The following MAF variants were observed in gnomAD, a reference collection of about 807,000 sequenced individuals.
MAF encodes transcription factor Maf.
A neutral mutation model predicts 22.0 loss-of-function variants in MAF; 10 were observed. The observed-to-expected ratio is 0.45, with a 90% confidence interval of 0.28 to 0.77. The LOEUF (loss-of-function observed/expected upper bound fraction) is 0.77. Among genes scored for constraint, MAF ranks in the 30% least tolerant of loss-of-function variants. The probability of loss-of-function intolerance (pLI) is 0.12; values close to 1 mark genes in which losing one functional copy is unlikely to be tolerated. For synonymous variants in MAF, 337 were observed against 255.8 expected, an observed-to-expected ratio of 1.32 and a Z score of -3.03; for missense variants, 544 against 548.4, an observed-to-expected ratio of 0.99 and a Z score of 0.08.
rs1210195937 is a variant in MAF at position 79,599,208 on chromosome 16, C to A, written c.695G>T (p.Gly232Val). The A allele has an allele frequency of 1.9e-5, 19 of 976,006 alleles. No individual in the cohort carries two copies. Among genetic ancestry groups the A allele is most frequent in the Non-Finnish European group, 2.3e-5 (19 of 825,362 alleles). 60.5% of individuals were successfully genotyped at this position (976,006 alleles called of 1,614,324 possible). A position where few individuals can be genotyped will look rare whatever the true frequency, so the allele number is the denominator to read the frequency against. ...ASAGGGGGGG[G>V]GGGGGGAAGA... Reference sequence around the variant, plus strand: ...CGCCGCGCCCCCGCCGCCTCCGCCGCCGCCGCCGCCGCCGCCGCCCCCAGC... The same window carrying A: ...CGCCGCGCCCCCGCCGCCTCCGCCGACGCCGCCGCCGCCGCCGCCCCCAGC... Residue 232 changes from glycine (G) to valine (V), a missense_variant, in exon 1 of 2, where the codon GGC becomes GTC. By Grantham distance (109) the Gly-to-Val change is moderately radical. Coordinates refer to ENST00000326043, the MANE Select transcript of MAF (RefSeq NM_005360.5).
At chr16:79,384,017 G>C in the MAF span, among the ~76,000 whole-genome samples, 2 of 152,196 alleles carry the variant, frequency 1.3e-5, no homozygotes, top group African/African-American at 4.8e-5. Context: ...AACCAGGTGT[G>C]ACGTTACCAA....
At chr16:79,562,473 T>C in the MAF span, among the ~76,000 whole-genome samples, 1 of 152,030 alleles carries the variant, frequency 6.6e-6, no homozygotes, top group African/African-American at 2.4e-5. Flanking sequence ...GTTATTACCC[T>C]TGGGAAAAAT....
At chr16:79,415,601 C>T in the MAF span, among the ~76,000 whole-genome samples, 1 of 152,080 alleles carries the variant, frequency 6.6e-6, no homozygotes, top group South Asian at 2.1e-4. Context: ...ATCACTTTTC[C>T]TTCTGCAGCT....
chr16:79,563,013 T>G, the MAF span, among the ~76,000 whole-genome samples: 710 of 152,350 alleles, frequency 4.7e-3, 6 homozygotes, highest in African/African-American at 0.016. Flanking sequence ...CCTCCTCCTG[T>G]CCATTCATCC....
At chr16:79,319,984 G>C in the MAF span, among the ~76,000 whole-genome samples, 1 of 152,164 alleles carries the variant, frequency 6.6e-6, no homozygotes, top group Non-Finnish European at 1.5e-5. Flanking sequence ...GCTCTTAGGA[G>C]ATTCTAAGAT....
At chr16:79,519,430 G>C in the MAF span, among the ~76,000 whole-genome samples, 3 of 151,996 alleles carry the variant, frequency 2.0e-5, no homozygotes, top group Non-Finnish European at 2.9e-5. Context: ...AGAATGCTAC[G>C]GGGAGTCTCT....
the MAF span, among the ~76,000 whole-genome samples, chr16:79,502,329 T>G: frequency 6.6e-6 from 1 of 152,098 alleles, no homozygotes; most frequent in Admixed American, 6.6e-5. Flanking sequence ...AAGCTTCTGT[T>G]TTACCGAACT....
the MAF span, among the ~76,000 whole-genome samples, chr16:79,333,470 C>A: frequency 1.3e-5 from 2 of 152,194 alleles, no homozygotes; most frequent in East Asian, 1.9e-4. Context: ...TGTCAGCGGC[C>A]CTGAGGAGGT....
the MAF span, among the ~76,000 whole-genome samples, chr16:79,259,638 GC>G: frequency 6.6e-6 from 1 of 152,154 alleles, no homozygotes; most frequent in African/African-American, 2.4e-5. Context: ...TAGAACACAG[GC>G]TCTTGGTTGC....
chr16:79,579,475 C>T, the MAF span, among the ~76,000 whole-genome samples: 1 of 152,074 alleles, frequency 6.6e-6, no homozygotes, highest in South Asian at 2.1e-4. Context: ...AGCAAAACCC[C>T]AAAGTCGGTT....
At chr16:79,382,053 T>G in the MAF span, among the ~76,000 whole-genome samples, 12 of 152,216 alleles carry the variant, frequency 7.9e-5, no homozygotes, top group Non-Finnish European at 1.5e-5. Flanking sequence ...CCACTTACTT[T>G]AGGTCAAAGT....
chr16:79,335,728 C>T, the MAF span, among the ~76,000 whole-genome samples: 24 of 152,278 alleles, frequency 1.6e-4, no homozygotes, highest in African/African-American at 4.3e-4. Flanking sequence ...CTGCTGGGGC[C>T]GGGAATCAGG....
At chr16:79,203,856 G>T in the MAF span, 1 of 152,106 alleles carries the variant, frequency 6.6e-6, no homozygotes, top group East Asian at 1.9e-4. Context: ...ACATTTATAC[G>T]CAGTACACGA....
the MAF span, among the ~76,000 whole-genome samples, chr16:79,380,519 C>G: frequency 1.3e-5 from 2 of 152,128 alleles, no homozygotes; most frequent in Non-Finnish European, 2.9e-5. Context: ...AGTAATTTTC[C>G]CACAGCTACC....
At chr16:79,289,722 A>T in the MAF span, among the ~76,000 whole-genome samples, 1 of 152,248 alleles carries the variant, frequency 6.6e-6, no homozygotes, top group East Asian at 1.9e-4. Context: ...AAGTCAAATC[A>T]TTCTTCCAAG....
the MAF span, among the ~76,000 whole-genome samples, chr16:79,427,075 C>T: frequency 9.2e-5 from 14 of 152,326 alleles, no homozygotes; most frequent in Admixed American, 6.5e-4. Context: ...TCCAGAGTGA[C>T]GCTCCCACTC....
At chr16:79,487,206 C>CA in the MAF span, among the ~76,000 whole-genome samples, 5,657 of 131,714 alleles carry the variant, frequency 0.043, 115 homozygotes, top group South Asian at 0.072. Context: ...TGAACTAGTG[C>CA]AAAAAAAAAA....
At chr16:79,237,666 A>G in the MAF span, among the ~76,000 whole-genome samples, 1 of 148,880 alleles carries the variant, frequency 6.7e-6, no homozygotes, top group Non-Finnish European at 1.5e-5. Context: ...TCTATCCTAT[A>G]GTTTTCTCAG....
chr16:79,553,057 A>G, the MAF span, among the ~76,000 whole-genome samples: 1 of 152,186 alleles, frequency 6.6e-6, no homozygotes, highest in Non-Finnish European at 1.5e-5. Flanking sequence ...TTGAACCTTA[A>G]TTTCCTCACC....
Sources: gnomAD v4.1 joint callset for allele counts (sites outside exome capture counted in the v4.1 genomes callset) on GRCh38, gnomAD v4.1.1 for gene constraint, MANE v1.5 for transcripts, NCBI Gene and HGNC (gene_info 2026-07-23, HGNC 2026-07-21) for gene names.